Variants in ATP9B observed in about 807,000 individuals in gnomAD.
ATP9B encodes probable phospholipid-transporting ATPase IIB.
A neutral mutation model predicts 146.1 loss-of-function variants in ATP9B; 110 were observed. The observed-to-expected ratio is 0.75, with a 90% confidence interval of 0.65 to 0.88. The LOEUF is 0.88. Among genes scored for constraint, ATP9B ranks in the 40% least tolerant of loss-of-function variants. The pLI is 0.00. For missense variants in ATP9B, 1,499 were observed against 1,496.4 expected, an observed-to-expected ratio of 1.00 and a Z score of -0.03; for synonymous variants, 604 against 569.7, an observed-to-expected ratio of 1.06 and a Z score of -0.86.
At chr18:79,112,161 C>G (rs1225432802) in intron 3 of ATP9B, among the ~76,000 whole-genome samples, 2 of 152,150 alleles carry the variant, frequency 1.3e-5, no homozygotes, top group East Asian at 3.8e-4. Context: ...GTTGCAGACT[C>G]TCTAGTTGAG....
intron 26 of ATP9B, chr18:79,360,165 G>A (rs2096979347): frequency 6.6e-6 from 1 of 152,272 alleles, no homozygotes; most frequent in South Asian, 2.1e-4. Flanking sequence ...AAGGATACGG[G>A]GTAGAAGAGA....
intron 27 of ATP9B, 57 bp from the exon 28 acceptor site, chr18:79,373,841 C>T: frequency 6.3e-7 from 1 of 1,590,860 alleles, no homozygotes. Flanking sequence ...AGGCTGTTTC[C>T]TCTAGCTGGC....
intron 1 of ATP9B, among the ~76,000 whole-genome samples, chr18:79,079,873 A>G (rs1342465816): frequency 6.6e-6 from 1 of 152,218 alleles, no homozygotes; most frequent in Non-Finnish European, 1.5e-5. Context: ...ATGGCTAGCC[A>G]GTTTTCCCAA....
intron 8 of ATP9B, among the ~76,000 whole-genome samples, chr18:79,183,091 C>T (rs1358365222): frequency 2.6e-5 from 4 of 152,172 alleles, no homozygotes; most frequent in African/African-American, 9.7e-5. Context: ...TTGGATAATG[C>T]TGTATATTAC....
chr18:79,169,052 C>T (rs1370728777), intron 7 of ATP9B, among the ~76,000 whole-genome samples: 1 of 152,066 alleles, frequency 6.6e-6, no homozygotes, highest in Non-Finnish European at 1.5e-5. Flanking sequence ...AGCGTCCTGC[C>T]TCGTTGAGGA....
At chr18:79,245,326 T>C (rs2095933715) in intron 11 of ATP9B, among the ~76,000 whole-genome samples, 1 of 152,240 alleles carries the variant, frequency 6.6e-6, no homozygotes, top group Non-Finnish European at 1.5e-5. Flanking sequence ...TTGAGGTTTC[T>C]GGTGTTAGTG....
intron 13 of ATP9B, among the ~76,000 whole-genome samples, chr18:79,283,020 G>A (rs1050427687): frequency 1.3e-5 from 2 of 152,226 alleles, no homozygotes; most frequent in African/African-American, 4.8e-5. Context: ...CCTTGCCTTT[G>A]TGAGGCCTCT....
At chr18:79,144,341 C>G (rs144696038) in intron 6 of ATP9B, 1 of 152,202 alleles carries the variant, frequency 6.6e-6, no homozygotes, top group South Asian at 2.1e-4. Context: ...TTAGTGGTCC[C>G]CAACCTTTTC....
intron 5 of ATP9B, among the ~76,000 whole-genome samples, chr18:79,143,058 G>T (rs2094533162): frequency 2.0e-5 from 3 of 152,130 alleles, no homozygotes; most frequent in African/African-American, 7.2e-5. Context: ...AGGAAGTGAG[G>T]GAAAGAGGTT....
chr18:79,301,249 T>C (rs2096588321), intron 13 of ATP9B, among the ~76,000 whole-genome samples: 2 of 152,194 alleles, frequency 1.3e-5, no homozygotes, highest in Non-Finnish European at 2.9e-5. Flanking sequence ...CCCAGCACTT[T>C]GGGAGGCCAG....
At chr18:79,157,339 TGAGCCGA>T (rs1397728167) in intron 7 of ATP9B, among the ~76,000 whole-genome samples, 84 of 131,780 alleles carry the variant, frequency 6.4e-4, no homozygotes, top group African/African-American at 1.4e-3. Flanking sequence ...TAGGTTGCAG[TGAGCCGA>T]GATTGTGCTA....
At chr18:79,188,935 C>CT (rs2095335503) in intron 8 of ATP9B, among the ~76,000 whole-genome samples, 1 of 149,720 alleles carries the variant, frequency 6.7e-6, no homozygotes, top group African/African-American at 2.5e-5. Context: ...TAAAATATGC[C>CT]TTTAACTAGA....
At chr18:79,246,473 A>G (rs2095965353) in intron 11 of ATP9B, among the ~76,000 whole-genome samples, 3 of 152,266 alleles carry the variant, frequency 2.0e-5, no homozygotes, top group African/African-American at 7.2e-5. Context: ...GAGATGCCAG[A>G]TTTTTATTCA....
chr18:79,273,637 C>T (rs1235136971), intron 12 of ATP9B, among the ~76,000 whole-genome samples: 1 of 152,184 alleles, frequency 6.6e-6, no homozygotes, highest in South Asian at 2.1e-4. Flanking sequence ...GGACTGGGTT[C>T]ACCTGGTAGT....
chr18:79,269,264 G>A (rs1391326324), intron 12 of ATP9B, among the ~76,000 whole-genome samples: 1 of 152,146 alleles, frequency 6.6e-6, no homozygotes, highest in Non-Finnish European at 1.5e-5. Flanking sequence ...CTTTGTTTCC[G>A]CTGCTCTCGC....
intron 9 of ATP9B, among the ~76,000 whole-genome samples, chr18:79,203,406 GCA>G (rs1310475971): frequency 6.6e-6 from 1 of 152,232 alleles, no homozygotes; most frequent in Non-Finnish European, 1.5e-5. Flanking sequence ...CCCTGGAGGA[GCA>G]AGTACCTGAT....
intron 26 of ATP9B, among the ~76,000 whole-genome samples, chr18:79,369,767 C>G (rs947967343): frequency 6.6e-6 from 1 of 152,156 alleles, no homozygotes; most frequent in Admixed American, 6.5e-5. Flanking sequence ...AATAACTGTA[C>G]ACATATGACT....
chr18:79,082,648 T>C (rs1041115723), intron 1 of ATP9B, among the ~76,000 whole-genome samples: 3 of 152,258 alleles, frequency 2.0e-5, no homozygotes, highest in Non-Finnish European at 4.4e-5. Context: ...GTTTTACTTC[T>C]AACAGTCAGG....
chr18:79,316,227 A>G (rs917851028), intron 15 of ATP9B, among the ~76,000 whole-genome samples: 9 of 152,152 alleles, frequency 5.9e-5, no homozygotes, highest in African/African-American at 2.2e-4. Context: ...GAAAAATCTA[A>G]ATGACAAATG....
Sources: allele counts gnomAD v4.1 joint callset (sites outside exome capture counted in the v4.1 genomes callset), GRCh38; gene constraint gnomAD v4.1.1; transcripts MANE v1.5; gene names NCBI Gene and HGNC (gene_info 2026-07-23, HGNC 2026-07-21).